Variants in IL6R observed in about 807,000 individuals in gnomAD.
The protein encoded by IL6R is interleukin 6 receptor.
A neutral mutation model predicts 48.3 loss-of-function variants in IL6R; 38 were observed. The ratio of observed to expected loss-of-function variants is 0.79; its 90% CI spans 0.61 to 1.03. IL6R has a LOEUF of 1.03. Among genes scored for constraint, IL6R ranks in the 50% least tolerant of loss-of-function variants. IL6R has a pLI of 0.00. For missense variants in IL6R, 534 were observed against 618.3 expected (o/e 0.86, Z 1.45); for synonymous variants, 264 against 256.2 (o/e 1.03, Z -0.29).
chr1:154,452,723 C>T (rs927276245), intron 8 of IL6R, among the ~76,000 whole-genome samples: 11 of 150,844 alleles, frequency 7.3e-5, no homozygotes, highest in East Asian at 3.9e-4. Context: ...CCCAGCTCCT[C>T]GGGAGGCTGA....
In IL6R at chr1:154,465,112, G is replaced by T. The variant is rs374147888; in HGVS notation, c.1161-22G>T. On this transcript the variant is annotated intron_variant, in intron 9 of 9. Coordinates refer to ENST00000368485, the MANE Select transcript of IL6R (RefSeq NM_000565.4). ...GGGGAGCTAAAAATCTGTGTGGTTT[G>T]TCTTTGTGTGTTTGTGTGAAGGTTC... 6.2e-6 allele frequency: 10 copies of T among 1,613,928 alleles called. No individual in the cohort carries two copies. The Admixed American group carries it at 1.5e-4, about 24-fold the overall frequency.
At chr1:154,436,686 T>G (rs564851910) in intron 6 of IL6R, among the ~76,000 whole-genome samples, 89 of 152,282 alleles carry the variant, frequency 5.8e-4, no homozygotes, top group African/African-American at 2.1e-3. Flanking sequence ...CTGTGGCTTC[T>G]CATCCTCAGC....
chr1:154,464,742 C>G (rs903198031), intron 9 of IL6R, among the ~76,000 whole-genome samples: 1 of 151,832 alleles, frequency 6.6e-6, no homozygotes, highest in African/African-American at 2.4e-5. Context: ...GCGGATTGCT[C>G]GAGCCCAGGA....
chr1:154,430,448 C>A, intron 2 of IL6R, 35 bp from the exon 3 acceptor site: 3 of 1,608,862 alleles, frequency 1.9e-6, no homozygotes, highest in Non-Finnish European at 2.5e-6. Context: ...AGGATCCCCG[C>A]CCGCCTGCTG....
chr1:154,447,502 CAT>C (rs1225161315), intron 6 of IL6R, among the ~76,000 whole-genome samples: 1,479 of 97,718 alleles, frequency 0.015, 156 homozygotes, highest in Non-Finnish European at 0.018. Context: ...CACACACACA[CAT>C]ATATATATAC....
At chr1:154,453,764 T>A (rs1690720578) in intron 8 of IL6R, among the ~76,000 whole-genome samples, 1 of 152,114 alleles carries the variant, frequency 6.6e-6, no homozygotes, top group Admixed American at 6.6e-5. Flanking sequence ...GGGCACTTGC[T>A]CAGCTTGGAG....
At chr1:154,425,326 G>C (rs1262154161) in intron 1 of IL6R, among the ~76,000 whole-genome samples, 1 of 152,144 alleles carries the variant, frequency 6.6e-6, no homozygotes, top group Non-Finnish European at 1.5e-5. Flanking sequence ...TTGGGCAAGT[G>C]CACTGAGTCA....
intron 3 of IL6R, among the ~76,000 whole-genome samples, chr1:154,434,180 A>G (rs4845620): frequency 0.33 from 50,046 of 151,432 alleles, 9,429 homozygotes; most frequent in Admixed American, 0.5. Context: ...TAAAAATACA[A>G]AAATTTGCTG....
chr1:154,409,241 A>G (rs1030435069), intron 1 of IL6R, among the ~76,000 whole-genome samples: 2 of 152,262 alleles, frequency 1.3e-5, no homozygotes, highest in African/African-American at 4.8e-5. Flanking sequence ...TGTACTGAAC[A>G]GTGCAGATAC....
intron 1 of IL6R, among the ~76,000 whole-genome samples, chr1:154,417,736 ATTTTTTTTTTTT>A (rs34478341): frequency 3.7e-5 from 4 of 109,114 alleles, no homozygotes; most frequent in African/African-American, 1.4e-4. Context: ...TGCCCAGCTA[ATTTTTTTTTTTT>A]TTTTTTTTTG....
Position 154,447,460 on chromosome 1 carries a change from T to C in IL6R, c.950-665T>C, listed in dbSNP as rs1440479333. On this transcript the variant is annotated intron_variant, in intron 6 of 9. Coordinates refer to ENST00000368485, the MANE Select transcript of IL6R (RefSeq NM_000565.4). ...TCTCAAAAAAAAAAAAAAAAATATA[T>C]ATATATATATATATATACACACACA... is the stretch of plus-strand genomic sequence containing the variant. 6.4e-4 allele frequency among the ~76,000 whole-genome samples: 50 copies of C among 78,266 alleles called. 1 individual carries two copies. The highest frequency in any genetic ancestry group is 3.8e-3 in the African/African-American group (48 of 12,710). The allele number at this position is 78,266 out of a possible 152,430, so 51.3% of individuals were successfully genotyped here.
At position 154,469,109 on chromosome 1, in the gene IL6R, A is replaced by C. The variant is rs1258048999; in HGVS notation, c.*3729A>C. 1 of 152,234 alleles carries C rather than the reference A, an allele frequency of 6.6e-6. No homozygotes were observed. The highest frequency in any genetic ancestry group is 1.5e-5 in the Non-Finnish European group (1 of 68,048). The allele number at this position is 152,234 out of a possible 1,614,324, so 9.4% of individuals were successfully genotyped here. A position where few individuals can be genotyped will look rare whatever the true frequency, so the allele number is the denominator to read the frequency against. On this transcript the variant is annotated 3_prime_UTR_variant, in exon 10 of 10. Coordinates refer to ENST00000368485, the MANE Select transcript of IL6R (RefSeq NM_000565.4). ...ATGGCAACCTTAGTGATTATTAAGG[A>C]ACACTGTCAGTTTTATGAACATATG...
intron 1 of IL6R, chr1:154,415,138 C>A: frequency 1.1e-6 from 1 of 922,112 alleles, no homozygotes; most frequent in South Asian, 1.4e-5. Flanking sequence ...TTGTACTTGC[C>A]GTCCTCAGCC....
At chr1:154,422,807 G>A (rs1362488033) in intron 1 of IL6R, among the ~76,000 whole-genome samples, 1 of 152,236 alleles carries the variant, frequency 6.6e-6, no homozygotes, top group Non-Finnish European at 1.5e-5. Context: ...GCATGAGAAT[G>A]ACTGGGCATA....
chr1:154,462,957 G>A lies in IL6R; in HGVS notation c.1161-2177G>A, dbSNP rs187264530. On this transcript the variant is annotated intron_variant, in intron 9 of 9. Transcript: ENST00000368485. ...CAAGTAGCTGGGATTACAGGCATGC[G>A]CCACGACACCCGGCTAATTCTTTTT... is the stretch of plus-strand genomic sequence containing the variant. Among the ~76,000 whole-genome samples the A allele has an allele frequency of 1.4e-4, 22 of 152,102 alleles. No homozygotes were observed. In the East Asian group the frequency reaches 3.1e-3, roughly 22 times the overall value.
intron 9 of IL6R, among the ~76,000 whole-genome samples, chr1:154,454,866 G>C (rs1284354561): frequency 6.6e-6 from 1 of 152,128 alleles, no homozygotes; most frequent in Non-Finnish European, 1.5e-5. Flanking sequence ...ATGGTGAGGA[G>C]AACTGACCTG....
At chr1:154,410,841 G>A (rs902228267) in intron 1 of IL6R, among the ~76,000 whole-genome samples, 1 of 152,182 alleles carries the variant, frequency 6.6e-6, no homozygotes, top group Non-Finnish European at 1.5e-5. Context: ...TTCCCGAAAA[G>A]CATCCTTTGG....
At position 154,454,555 on chromosome 1, in the gene IL6R, G is replaced by A. The variant is rs777288491; in HGVS notation, c.1134G>A (p.Thr378=). 4 of 1,613,248 alleles carry A rather than the reference G, an allele frequency of 2.5e-6. No homozygotes were observed. Among genetic ancestry groups the A allele is most frequent in the Non-Finnish European group, 3.4e-6 (4 of 1,179,398 alleles). The change falls in exon 9 of 10, where the codon ACG becomes ACA. Residue 378 remains threonine (T), a synonymous_variant. Transcript: ENST00000368485. ...CTGGAGGGAGCCTGGCCTTCGGAAC[G>A]CTCCTCTGCATTGCCATTGTTCTGA... ...LVAGGSLAFG[T]LLCIAIVLRF... is the part of the protein sequence containing the mutation.
At chr1:154,436,215 G>GT in intron 6 of IL6R, 105 bp downstream of exon 6, 1 of 1,310,240 alleles carries the variant, frequency 7.6e-7, no homozygotes, top group South Asian at 1.5e-5. Flanking sequence ...CTTAGGCCAG[G>GT]TGTGGTGGCT....
Sources: allele counts gnomAD v4.1 joint callset (sites outside exome capture counted in the v4.1 genomes callset), GRCh38; gene constraint gnomAD v4.1.1; transcripts MANE v1.5; gene names NCBI Gene and HGNC (gene_info 2026-07-23, HGNC 2026-07-21).